Variants in PALM2AKAP2 observed in about 807,000 individuals in gnomAD.
PALM2AKAP2 encodes PALM2 and AKAP2 fusion.
Under a neutral mutation model 71.5 loss-of-function variants are expected in PALM2AKAP2, and 37 were observed. The observed-to-expected ratio is 0.52, with a 90% CI of 0.40 to 0.68. PALM2AKAP2 has a LOEUF of 0.68. PALM2AKAP2 is among the 30% of genes least tolerant of loss of function. PALM2AKAP2 has a pLI of 0.00. For missense variants in PALM2AKAP2, 1,224 were observed against 1,191.8 expected (o/e 1.03, Z -0.40); for synonymous variants, 468 against 478.8 (o/e 0.98, Z 0.29).
chr9:110,146,804 G>T (rs943461198), intron 2 of PALM2AKAP2, among the ~76,000 whole-genome samples: 13 of 152,138 alleles, frequency 8.5e-5, no homozygotes, highest in Non-Finnish European at 1.6e-4. Flanking sequence ...GAGAGTGTAT[G>T]GGGCAGACAA....
intron 1 of PALM2AKAP2, among the ~76,000 whole-genome samples, chr9:109,757,314 G>GT (rs1828978909): frequency 6.6e-6 from 1 of 152,216 alleles, no homozygotes; most frequent in East Asian, 1.9e-4. Context: ...AGAATACTTT[G>GT]TAAGAATCCC....
At chr9:110,053,909 A>T (rs896675261) in intron 1 of PALM2AKAP2, among the ~76,000 whole-genome samples, 6 of 152,190 alleles carry the variant, frequency 3.9e-5, no homozygotes, top group Admixed American at 1.3e-4. Context: ...TTTTTCTTAG[A>T]TATGGGCAGG....
At chr9:110,044,344 C>CTTTTTTTTTTTTTTT (rs57314430), upstream of PALM2AKAP2, among the ~76,000 whole-genome samples, 114 of 80,158 alleles carry the variant, frequency 1.4e-3, no homozygotes, top group African/African-American at 2.3e-3. Flanking sequence ...TTCTTTCTTT[C>CTTTTTTTTTTTTTTT]TTTTTTTTTT....
chr9:109,940,685 A>C (rs1190330129), intron 6 of PALM2AKAP2, among the ~76,000 whole-genome samples: 1 of 152,138 alleles, frequency 6.6e-6, no homozygotes, highest in Non-Finnish European at 1.5e-5. Flanking sequence ...ATCTAGGCAG[A>C]GGGACAGCAG....
intron 1 of PALM2AKAP2, among the ~76,000 whole-genome samples, chr9:109,847,258 G>A (rs1222732662): frequency 6.6e-6 from 1 of 152,142 alleles, no homozygotes; most frequent in African/African-American, 2.4e-5. Flanking sequence ...CAGATAGAAG[G>A]GGAGAAGGCA....
At chr9:109,806,644 T>C (rs1298028274) in intron 1 of PALM2AKAP2, among the ~76,000 whole-genome samples, 4 of 152,146 alleles carry the variant, frequency 2.6e-5, no homozygotes, top group Admixed American at 1.3e-4. Flanking sequence ...GTGAGCCATG[T>C]GGATATCTGG....
chr9:109,709,028 A>G (rs1454237791), intron 1 of PALM2AKAP2, among the ~76,000 whole-genome samples: 3 of 152,162 alleles, frequency 2.0e-5, no homozygotes, highest in Non-Finnish European at 2.9e-5. Flanking sequence ...GGGGCCAGCT[A>G]TAGTGGTACT....
intron 1 of PALM2AKAP2, among the ~76,000 whole-genome samples, chr9:110,112,094 C>T (rs1049887587): frequency 7.9e-5 from 12 of 151,978 alleles, no homozygotes; most frequent in Non-Finnish European, 1.8e-4. Flanking sequence ...ATTCCAACCA[C>T]TCAGCTGAAG....
chr9:109,772,516 T>A (rs890802802), intron 1 of PALM2AKAP2, among the ~76,000 whole-genome samples: 1 of 152,224 alleles, frequency 6.6e-6, no homozygotes, highest in Admixed American at 6.5e-5. Context: ...TCTGTTTCCT[T>A]CTCTTCTGCT....
At chr9:110,018,427 T>C (rs966468336) in intron 7 of PALM2AKAP2, among the ~76,000 whole-genome samples, 3 of 152,074 alleles carry the variant, frequency 2.0e-5, no homozygotes, top group African/African-American at 7.2e-5. Context: ...ACCTCCCAGG[T>C]TGAAGGGATT....
exon 2 of PALM2AKAP2, chr9:110,136,147 G>T: frequency 6.3e-7 from 1 of 1,587,968 alleles, no homozygotes; most frequent in Non-Finnish European, 8.6e-7. Flanking sequence ...AGCTTTCTGA[G>T]GATGATATCT....
At chr9:109,898,915 T>C (rs1284855898) in intron 3 of PALM2AKAP2, among the ~76,000 whole-genome samples, 1 of 152,230 alleles carries the variant, frequency 6.6e-6, no homozygotes, top group Non-Finnish European at 1.5e-5. Flanking sequence ...TCCCTATTTC[T>C]TCTTGAAACA....
At chr9:109,711,908 T>C (rs185861660) in intron 1 of PALM2AKAP2, among the ~76,000 whole-genome samples, 6 of 152,278 alleles carry the variant, frequency 3.9e-5, no homozygotes, top group Admixed American at 3.3e-4. Flanking sequence ...TATCTATCTA[T>C]ATATACTTAT....
At chr9:109,807,928 G>T (rs1006033209) in intron 1 of PALM2AKAP2, among the ~76,000 whole-genome samples, 1 of 152,172 alleles carries the variant, frequency 6.6e-6, no homozygotes, top group African/African-American at 2.4e-5. Flanking sequence ...TTCCTGTTTT[G>T]CTGGGCACTC....
upstream of PALM2AKAP2, chr9:110,048,583 C>G: frequency 1.0e-6 from 1 of 993,398 alleles, no homozygotes; most frequent in South Asian, 2.0e-5. Flanking sequence ...GAGGGGCGGT[C>G]CGTGGGCGCT....
intron 1 of PALM2AKAP2, chr9:109,765,468 GATC>G (rs375687048): frequency 7.1e-6 from 1 of 141,598 alleles, no homozygotes; most frequent in African/African-American, 2.5e-5. Flanking sequence ...TCATGATCAT[GATC>G]ATGATCATCA....
chr9:110,138,985 G>T (rs1342934950), intron 2 of PALM2AKAP2, among the ~76,000 whole-genome samples: 1 of 152,164 alleles, frequency 6.6e-6, no homozygotes, highest in Middle Eastern at 3.2e-3. Context: ...AACCCCTTCT[G>T]AATGCTGGTT....
At chr9:109,674,322 G>A (rs1400650309) in intron 1 of PALM2AKAP2, among the ~76,000 whole-genome samples, 3 of 151,950 alleles carry the variant, frequency 2.0e-5, no homozygotes, top group Non-Finnish European at 4.4e-5. Flanking sequence ...TCATCTGTAA[G>A]TCTGTTTCAG....
Position 110,135,164 on chromosome 9 carries a change from A to AAAATATAT in PALM2AKAP2, c.157-962_157-961insAATATATA. Reference sequence around the variant, plus strand: ...AACTCTGTCTCTACAAAAAAAAAAAAATATATAAATATATATATATATATA... The same window carrying AAAATATAT: ...AACTCTGTCTCTACAAAAAAAAAAAAAAATATATATATATAAATATATATATATATATA... On this transcript the variant is annotated intron_variant, in intron 1 of 3. Coordinates refer to ENST00000374525, the Ensembl canonical transcript of PALM2AKAP2. Among the ~76,000 whole-genome samples the AAAATATAT allele has an allele frequency of 2.5e-4, 13 of 51,712 alleles. 1 individual carries two copies. The highest frequency in any genetic ancestry group is 8.8e-4 in the African/African-American group (12 of 13,620). The allele number at this position is 51,712 out of a possible 152,430, so 33.9% of individuals were successfully genotyped here. A position where few individuals can be genotyped will look rare whatever the true frequency, so the allele number is the denominator to read the frequency against.
Sources: allele counts gnomAD v4.1 joint callset (sites outside exome capture counted in the v4.1 genomes callset), GRCh38; gene constraint gnomAD v4.1.1; transcripts MANE v1.5; gene names NCBI Gene and HGNC (gene_info 2026-07-23, HGNC 2026-07-21).